Variants in ZNF749 observed in about 807,000 individuals in gnomAD.
ZNF749 encodes zinc finger protein 749.
Under a neutral mutation model 7.3 loss-of-function variants are expected in ZNF749, and 8 were observed. The ratio of observed to expected loss-of-function variants is 1.10; its 90% CI spans 0.64 to 1.98. The LOEUF (loss-of-function observed/expected upper bound fraction) is 1.98, where lower values mean the gene tolerates loss of function less well. Among genes scored for constraint, ZNF749 ranks in the 30% most tolerant of loss-of-function variants. The pLI, the probability that ZNF749 is intolerant of heterozygous loss-of-function variation, is 0.00. For synonymous variants in ZNF749, 310 were observed against 322.4 expected (o/e 0.96, Z 0.41); for missense variants, 898 against 932.4 (o/e 0.96, Z 0.48).
chr19:57,429,234 C>T, the ZNF749 span, among the ~76,000 whole-genome samples: 6 of 152,208 alleles, frequency 3.9e-5, no homozygotes, highest in East Asian at 9.7e-4. The surrounding 1 kb of genome is among the most constrained non-coding windows in gnomAD (Gnocchi z 4.2). Flanking sequence ...CCATATTGGC[C>T]GGGCTGGTCT....
rs2089019263 is a variant in ZNF749, at chr19:57,443,643, A to G, written c.495A>G (p.Ser165=). ...TQGGKDFTAS[S]DLLQQQVLNS... ...GTGGCAAGGATTTTACTGCCAGCTC[A>G]GACCTTCTCCAGCAACAGGTCTTAA... Residue 165 remains serine, a synonymous_variant, in exon 3 of 3, where the codon TCA becomes TCG. Transcript: ENST00000334181. 6.2e-7 allele frequency: 1 copy of G among 1,614,080 alleles called. No homozygotes were observed. Among genetic ancestry groups the G allele is most frequent in the Admixed American group, 1.7e-5 (1 of 60,006 alleles).
Position 57,445,622 on chromosome 19 carries a change from T to C in ZNF749, c.*137T>C. 7.1e-7 allele frequency: 1 copy of C among 1,409,638 alleles called. No individual in the cohort carries two copies. Among genetic ancestry groups the C allele is most frequent in the Non-Finnish European group, 9.4e-7 (1 of 1,061,454 alleles). The allele number at this position is 1,409,638 out of a possible 1,614,324, so 87.3% of individuals were successfully genotyped here. ...ATGGAAATCTGCGAGGATTTCCTGC[T>C]GGGAACTACATTAAAAACATTTATG... On this transcript the variant is annotated 3_prime_UTR_variant, in exon 3 of 3. Transcript: ENST00000334181.
chr19:57,431,069 GA>G (rs1405240105), upstream of ZNF749, among the ~76,000 whole-genome samples: 3 of 150,380 alleles, frequency 2.0e-5, no homozygotes, highest in African/African-American at 7.3e-5. Context: ...AGAAAGATTA[GA>G]AGGGTAAAGG....
In ZNF749 at chr19:57,442,409, C is replaced by G. The variant is rs905003685; in HGVS notation, c.142+398C>G. ...TAGGAATTTCAGGCACCTCCCTGGT[C>G]ACCACTTGTGAGGATTGTGAAGTTA... On this transcript the variant is annotated intron_variant, in intron 2 of 2. Coordinates refer to ENST00000334181, the MANE Select transcript of ZNF749 (RefSeq NM_001023561.4). This position sits in a 1 kb window ranked among gnomAD's most constrained non-coding sequence, Gnocchi z 6.6. Among the ~76,000 whole-genome samples, 2 of 152,206 alleles carry G rather than the reference C, an allele frequency of 1.3e-5. No individual in the cohort carries two copies. Among genetic ancestry groups the G allele is most frequent in the African/African-American group, 4.8e-5 (2 of 41,440 alleles).
Position 57,445,394 on chromosome 19 carries a change from G to C in ZNF749, c.2246G>C (p.Arg749Thr), listed in dbSNP as rs750030328. 5 of 1,613,954 alleles carry C rather than the reference G, an allele frequency of 3.1e-6. No homozygotes were observed. In the South Asian group the frequency reaches 5.5e-5, roughly 18 times the overall value. ...CGCCAAAAAACTCACACTGGAGAAA[G>C]GTCTTATGAGTGTGGTGAATCCAGC... is the stretch of plus-strand genomic sequence containing the variant. ...GQRQKTHTGE[R>T]SYECGESSKV... The change falls in exon 3 of 3, where the codon AGG becomes ACG. Residue 749 changes from arginine to threonine, a missense_variant. Arg to Thr is a moderately conservative substitution (Grantham distance 71). Transcript: ENST00000334181.
intron 1 of ZNF749, chr19:57,438,258 G>A (rs576075894): frequency 2.6e-6 from 1 of 389,284 alleles, no homozygotes; most frequent in South Asian, 1.4e-4. Context: ...CCAGGCACAA[G>A]TGTTTCTTGT....
rs1314230265 is a variant in ZNF749, at chr19:57,442,097, A to T, written c.142+86A>T. 6.5e-7 allele frequency: 1 copy of T among 1,536,974 alleles called. No homozygotes were observed. The highest frequency in any genetic ancestry group is 1.4e-5 in the African/African-American group (1 of 72,610). On this transcript the variant is annotated intron_variant, in intron 2 of 2. Transcript: ENST00000334181. The surrounding 1 kb of genome is among the most constrained non-coding windows in gnomAD (Gnocchi z 6.6). ...ATGACAACTCTGTCTTTCCCACACC[A>T]GATTGTGAGTGCTACGTCCTGTCCT...
the ZNF749 span, among the ~76,000 whole-genome samples, chr19:57,429,190 A>G: frequency 6.6e-6 from 1 of 151,844 alleles, no homozygotes; most frequent in Non-Finnish European, 1.5e-5. This position sits in a 1 kb window ranked among gnomAD's most constrained non-coding sequence, Gnocchi z 4.2. Flanking sequence ...ACGCCTGGCT[A>G]ATTTTTTGTA....
In ZNF749 at chr19:57,445,042, A is replaced by G; in HGVS notation, c.1894A>G (p.Lys632Glu). 6.2e-7 allele frequency: 1 copy of G among 1,614,214 alleles called. No individual in the cohort carries two copies. The highest frequency in any genetic ancestry group is 8.5e-7 in the Non-Finnish European group (1 of 1,180,040). Residue 632 changes from lysine to glutamate, a missense_variant, in exon 3 of 3, where the codon AAA becomes GAA. Lys to Glu is a moderately conservative substitution (Grantham distance 56, BLOSUM62 1). Coordinates refer to ENST00000334181, the MANE Select transcript of ZNF749 (RefSeq NM_001023561.4). ...RYRCTLSRHQKVHTGERPYEC... is the reference protein window; with the variant it reads ...RYRCTLSRHQEVHTGERPYEC... ...TCGCTGTACACTGAGTAGACATCAG[A>G]AAGTTCACACTGGAGAAAGACCTTA...
intron 1 of ZNF749, chr19:57,438,057 C>T (rs913023760): frequency 7.8e-5 from 31 of 398,654 alleles, no homozygotes; most frequent in Admixed American, 3.1e-4. Context: ...TGTAGGATGC[C>T]ACAGTACTGT....
Position 57,444,971 on chromosome 19 carries a change from G to A in ZNF749, c.1823G>A (p.Gly608Glu). 3 of 1,614,182 alleles carry A rather than the reference G, an allele frequency of 1.9e-6. No homozygotes were observed. The highest frequency in any genetic ancestry group is 1.1e-5 in the South Asian group (1 of 91,072). ...GTTATTCATCAGAGAATTCACACTG[G>A]AGAAAAGCCTTATAAATGCAGCAAA... ...KLVIHQRIHTGEKPYKCSKCG... is the reference protein window; with the variant it reads ...KLVIHQRIHTEEKPYKCSKCG... Residue 608 changes from glycine to glutamate, a missense_variant, in exon 3 of 3, where the codon GGA (glycine) becomes GAA (glutamate). Coordinates refer to ENST00000334181, the MANE Select transcript of ZNF749 (RefSeq NM_001023561.4).
At chr19:57,434,239 AG>A (rs1247571442), upstream of ZNF749, among the ~76,000 whole-genome samples, 1 of 152,122 alleles carries the variant, frequency 6.6e-6, no homozygotes, top group Non-Finnish European at 1.5e-5. Flanking sequence ...CTGGCATTAC[AG>A]GCATGTGCCA....
In ZNF749 at chr19:57,441,896, C is replaced by T. The variant is rs1276960837; in HGVS notation, c.27C>T (p.Val9=). 1 of 1,614,080 alleles carries T rather than the reference C, an allele frequency of 6.2e-7. No individual in the cohort carries two copies. Among genetic ancestry groups the T allele is most frequent in the Non-Finnish European group, 8.5e-7 (1 of 1,179,980 alleles). MNLTEDCM[V]FEDVAIYFSQ... ...CATAATTTTGGCAGGATTGTATGGT[C>T]TTTGAGGATGTGGCCATATATTTCT... The change falls in exon 2 of 3, where the codon GTC becomes GTT. Residue 9 remains valine (V), a synonymous_variant. Coordinates refer to ENST00000334181, the MANE Select transcript of ZNF749 (RefSeq NM_001023561.4).
chr19:57,442,669 G>C lies in ZNF749; in HGVS notation c.143-622G>C, dbSNP rs1258379614. Among the ~76,000 whole-genome samples, 2 of 152,290 alleles carry C rather than the reference G, an allele frequency of 1.3e-5. No individual in the cohort carries two copies. Among genetic ancestry groups the C allele is most frequent in the African/African-American group, 4.8e-5 (2 of 41,554 alleles). On this transcript the variant is annotated intron_variant, in intron 2 of 2. Transcript: ENST00000334181. The surrounding 1 kb of genome is among the most constrained non-coding windows in gnomAD (Gnocchi z 6.6). ...ACTCAGAAGGACTTGGCCCTGGTGG[G>C]TGAAAGCTGGGAAAGGATGTGATAT...
rs2089058675 is a variant in ZNF749, at chr19:57,445,756, C to T, written c.*271C>T. Among the ~76,000 whole-genome samples the T allele has an allele frequency of 6.6e-6, 1 of 152,046 alleles. No homozygotes were observed. The highest frequency in any genetic ancestry group is 2.1e-4 in the South Asian group (1 of 4,808). ...CCAGCCGGGCCAACATGGTGAAGCC[C>T]CATCTCTACTAAAAATACAAAAATT... is the stretch of plus-strand genomic sequence containing the variant. On this transcript the variant is annotated 3_prime_UTR_variant, in exon 3 of 3. Transcript: ENST00000334181.
At chr19:57,429,409 A>T in the ZNF749 span, among the ~76,000 whole-genome samples, 14 of 152,246 alleles carry the variant, frequency 9.2e-5, no homozygotes, top group Admixed American at 2.6e-4. This position sits in a 1 kb window ranked among gnomAD's most constrained non-coding sequence, Gnocchi z 4.2. Flanking sequence ...CCCTACTTTA[A>T]TTTCTTTTTG....
At chr19:57,441,862 C>T in intron 1 of ZNF749, 23 bp from the exon 2 acceptor site, 1 of 1,613,800 alleles carries the variant, frequency 6.2e-7, no homozygotes, top group Admixed American at 1.7e-5. Context: ...TGTTCATAGA[C>T]TGAAGTGTCA....
chr19:57,435,763 A>C, intron 1 of ZNF749, 170 bp downstream of exon 1: 1 of 1,320,868 alleles, frequency 7.6e-7, no homozygotes, highest in South Asian at 1.5e-5. Context: ...CCCGTCGGAG[A>C]CCGACACGTC....
chr19:57,438,213 T>C (rs954386607), intron 1 of ZNF749: 6 of 397,470 alleles, frequency 1.5e-5, no homozygotes, highest in Non-Finnish European at 2.7e-5. Flanking sequence ...AAACTGCGTC[T>C]GCCACCCAGA....
Sources: allele counts gnomAD v4.1 joint callset (sites outside exome capture counted in the v4.1 genomes callset), GRCh38; gene constraint gnomAD v4.1.1; non-coding constraint Gnocchi (gnomAD v3.1); transcripts MANE v1.5; gene names NCBI Gene and HGNC (gene_info 2026-07-23, HGNC 2026-07-21).